The following ZNF333 variants were observed in gnomAD, a reference collection of about 807,000 sequenced individuals.
The protein encoded by ZNF333 is zinc finger protein 333.
Under a neutral mutation model 76.1 loss-of-function variants are expected in ZNF333, and 61 were observed. The observed-to-expected ratio is 0.80, with a 90% CI of 0.65 to 0.99. The LOEUF (loss-of-function observed/expected upper bound fraction) is 0.99. Ranked by LOEUF, ZNF333 falls within the 50% of genes least tolerant of loss-of-function variation. ZNF333 has a pLI of 0.00. For synonymous variants in ZNF333, 284 were observed against 305.0 expected, an observed-to-expected ratio of 0.93 and a Z score of 0.72; for missense variants, 717 against 822.4, an observed-to-expected ratio of 0.87 and a Z score of 1.57.
intron 5 of ZNF333, among the ~76,000 whole-genome samples, chr19:14,703,731 C>T (rs1485776672): frequency 6.6e-6 from 1 of 152,014 alleles, no homozygotes; most frequent in Non-Finnish European, 1.5e-5. Flanking sequence ...TTTTAGTGGA[C>T]CTTGGGGGAT....
At chr19:14,721,972 C>T (rs548310985), downstream of ZNF333, 1 of 152,258 alleles carries the variant, frequency 6.6e-6, no homozygotes, top group African/African-American at 2.4e-5. Flanking sequence ...TGGAGGAGAC[C>T]TATCTTTAGC....
chr19:14,692,236 G>A (rs1317725088), intron 1 of ZNF333, among the ~76,000 whole-genome samples: 1 of 152,228 alleles, frequency 6.6e-6, no homozygotes, highest in Non-Finnish European at 1.5e-5. Flanking sequence ...TGGGGAGGAT[G>A]TCAGGAAACA....
Position 14,705,185 on chromosome 19 carries a change from G to A in ZNF333, c.423+15G>A. 6.2e-7 allele frequency: 1 copy of A among 1,609,548 alleles called. No individual in the cohort carries two copies. Among genetic ancestry groups the A allele is most frequent in the Non-Finnish European group, 8.5e-7 (1 of 1,177,904 alleles). ...TGGGATGCACGGTAAGCCTGGGAGA[G>A]GTTCACTGTGATGGCACCAGGTGCA... On this transcript the variant is annotated intron_variant, in intron 6 of 11. Transcript: ENST00000292530.
At chr19:14,722,760 A>G (rs2042604933), downstream of ZNF333, among the ~76,000 whole-genome samples, 1 of 151,998 alleles carries the variant, frequency 6.6e-6, no homozygotes, top group Non-Finnish European at 1.5e-5. Flanking sequence ...TTGATGTATT[A>G]TGAGTTAATT....
intron 5 of ZNF333, among the ~76,000 whole-genome samples, chr19:14,704,593 T>C (rs1372261296): frequency 1.3e-5 from 2 of 152,174 alleles, no homozygotes; most frequent in Non-Finnish European, 2.9e-5. Flanking sequence ...CTCACAATCA[T>C]GGCAGAAGGC....
chr19:14,712,220 T>C (rs904782563), intron 7 of ZNF333, among the ~76,000 whole-genome samples: 7 of 151,372 alleles, frequency 4.6e-5, no homozygotes, highest in African/African-American at 1.7e-4. Flanking sequence ...AGGACGGTGA[T>C]GAGTGTTTTT....
At chr19:14,698,200 C>G (rs1035141965) in intron 4 of ZNF333, among the ~76,000 whole-genome samples, 1 of 151,622 alleles carries the variant, frequency 6.6e-6, no homozygotes, top group Non-Finnish European at 1.5e-5. Flanking sequence ...ATGGTGAAAC[C>G]CTGTCTCTAC....
At chr19:14,729,360 C>CTT (rs59225167) in intron 11 of ZNF333, among the ~76,000 whole-genome samples, 2 of 146,920 alleles carry the variant, frequency 1.4e-5, no homozygotes, top group African/African-American at 5.0e-5. Flanking sequence ...AAACGATACA[C>CTT]TTTTTTTTTT....
In ZNF333 at chr19:14,718,977, G is replaced by C. The variant is rs746633018; in HGVS notation, c.1650G>C (p.Lys550Asn). The change falls in exon 12 of 12, where the codon AAG (lysine) becomes AAC (asparagine). Residue 550 changes from lysine (K) to asparagine (N), a missense_variant. Coordinates refer to ENST00000292530, the MANE Select transcript of ZNF333 (RefSeq NM_032433.4). ...TCTTGAGTCGTCTTTCAACCCTGAA[G>C]AGTCACATGCGAACTCACACTGGAG... ...GQVLSRLSTLKSHMRTHTGEK... is the reference protein window; with the variant it reads ...GQVLSRLSTLNSHMRTHTGEK... 7 of 1,613,964 alleles carry C rather than the reference G, an allele frequency of 4.3e-6. No individual in the cohort carries two copies. In the South Asian group the frequency reaches 7.7e-5, roughly 18 times the overall value.
chr19:14,698,086 G>A (rs1313519498), intron 4 of ZNF333, among the ~76,000 whole-genome samples: 1 of 152,068 alleles, frequency 6.6e-6, no homozygotes, highest in East Asian at 1.9e-4. Flanking sequence ...CCAAGTCTAA[G>A]GTCAGTATTA....
rs1435194361 is a variant in ZNF333 at position 14,720,037 on chromosome 19, T to A, written c.*712T>A. On this transcript the variant is annotated 3_prime_UTR_variant, in exon 12 of 12. Coordinates refer to ENST00000292530, the MANE Select transcript of ZNF333 (RefSeq NM_032433.4). ...CCCCTCTCTACTAAAAATATAAAAATTAGCCAAGTTTGGTGGCATGCACCT... is the reference window on the plus strand; with the variant it reads ...CCCCTCTCTACTAAAAATATAAAAAATAGCCAAGTTTGGTGGCATGCACCT... 2.5e-6 allele frequency: 2 copies of A among 789,602 alleles called. No homozygotes were observed. Among genetic ancestry groups the A allele is most frequent in the Non-Finnish European group, 3.1e-6 (2 of 651,660 alleles). The allele number at this position is 789,602 out of a possible 1,614,324, so 48.9% of individuals were successfully genotyped here.
intron 4 of ZNF333, among the ~76,000 whole-genome samples, chr19:14,698,095 T>C (rs1359394392): frequency 6.6e-6 from 1 of 152,028 alleles, no homozygotes; most frequent in Non-Finnish European, 1.5e-5. Context: ...AGGTCAGTAT[T>C]AAAAGCTGGG....
intron 1 of ZNF333, among the ~76,000 whole-genome samples, chr19:14,692,519 ATT>A (rs112889835): frequency 0.013 from 682 of 52,328 alleles, 3 homozygotes; most frequent in African/African-American, 0.078. Flanking sequence ...CTTTTTATTT[ATT>A]TTTTTTCTTT....
intron 7 of ZNF333, 95 bp downstream of exon 7, chr19:14,706,868 T>C: frequency 9.5e-7 from 1 of 1,052,316 alleles, no homozygotes; most frequent in Non-Finnish European, 1.4e-6. Context: ...GCATTTCCTC[T>C]GACTGCAGGC....
downstream of ZNF333, among the ~76,000 whole-genome samples, chr19:14,726,277 TC>T (rs2042632308): frequency 6.6e-6 from 1 of 152,160 alleles, no homozygotes; most frequent in Non-Finnish European, 1.5e-5. Context: ...GCCCGCTAAA[TC>T]ATTCTTTTCT....
At chr19:14,704,915 T>C (rs529350633) in intron 5 of ZNF333, 139 bp from the exon 6 acceptor site, 2 of 687,076 alleles carry the variant, frequency 2.9e-6, no homozygotes, top group South Asian at 3.7e-5. Context: ...AGTGCTGGGA[T>C]TATGGGCATG....
intron 4 of ZNF333, among the ~76,000 whole-genome samples, chr19:14,698,899 GATATATATATAT>G (rs60299211): frequency 0.01 from 1,379 of 132,680 alleles, 17 homozygotes; most frequent in South Asian, 0.037. Flanking sequence ...CACAAATATA[GATATATATATAT>G]ATATATATAT....
intron 5 of ZNF333, chr19:14,701,589 C>T (rs1400081485): frequency 1.0e-6 from 1 of 985,298 alleles, no homozygotes; most frequent in Non-Finnish European, 1.2e-6. Context: ...AGCAGGTGGA[C>T]CCCATGTGAA....
rs559679826 is a variant in ZNF333 at position 14,728,476 on chromosome 19, G to T, written c.901-2699G>T. Reference sequence around the variant, plus strand: ...AGTTTTTAAATGGTCATGTTATCTTGCTAGGATATGTAGAAACTTTGTCTT... The same window carrying T: ...AGTTTTTAAATGGTCATGTTATCTTTCTAGGATATGTAGAAACTTTGTCTT... On this transcript the variant is annotated intron_variant, in intron 11 of 11. Coordinates refer to the ZNF333 transcript ENST00000540689. Among the ~76,000 whole-genome samples, 87 of 152,228 alleles carry T rather than the reference G, an allele frequency of 5.7e-4. No individual in the cohort carries two copies. The Middle Eastern group carries it at 0.01, about 18-fold the overall frequency.
Sources: gnomAD v4.1 joint callset for allele counts (sites outside exome capture counted in the v4.1 genomes callset) on GRCh38, gnomAD v4.1.1 for gene constraint, MANE v1.5 for transcripts, NCBI Gene and HGNC (gene_info 2026-07-23, HGNC 2026-07-21) for gene names.